HDX: variants seen among roughly 807,000 people sequenced by gnomAD.
HDX encodes the protein highly divergent homeobox.
In HDX, 19 loss-of-function variants were observed where a neutral mutation model predicts 45.2. The observed-to-expected ratio is 0.42, with a 90% CI of 0.29 to 0.62. HDX has a LOEUF of 0.62. HDX is among the 20% of genes least tolerant of loss of function. The probability of loss-of-function intolerance (pLI) is 0.20; values close to 1 mark genes in which losing one functional copy is unlikely to be tolerated. For missense variants in HDX, 532 were observed against 493.9 expected (o/e 1.08, Z -0.73); for synonymous variants, 188 against 172.8 (o/e 1.09, Z -0.69).
At position 84,342,835 on chromosome X, in the gene HDX, G is replaced by T. The variant is rs181477191; in HGVS notation, c.1660+1415C>A. On this transcript the variant is annotated intron_variant, in intron 7 of 10. Transcript: ENST00000373177. ...GTCAGAAACCATAAAGGAAAGTACG[G>T]GTAGATTTGAAAACTTAAAAATTAC... 2.6e-4 allele frequency among the ~76,000 whole-genome samples: 29 copies of T among 110,906 alleles called. No homozygotes were observed. The East Asian group carries it at 7.1e-3, about 27-fold the overall frequency.
intron 6 of HDX, among the ~76,000 whole-genome samples, chrX:84,354,928 C>CATATATAT (rs1362016065): frequency 9.4e-5 from 2 of 21,374 alleles, no homozygotes; most frequent in Admixed American, 9.7e-4. Context: ...TACACACACA[C>CATATATAT]ACATATATAT....
At chrX:84,443,249 C>T (rs1215701863) in intron 4 of HDX, among the ~76,000 whole-genome samples, 1 of 111,266 alleles carries the variant, frequency 9.0e-6, no homozygotes, top group Non-Finnish European at 1.9e-5. Context: ...TGTCTTTCCT[C>T]AAATTTGGGA....
intron 2 of HDX, among the ~76,000 whole-genome samples, chrX:84,476,544 C>CAAA (rs376973856): frequency 0.024 from 931 of 38,002 alleles, 9 homozygotes; most frequent in Non-Finnish European, 0.037. Context: ...AACTCTGTCT[C>CAAA]AAAAAAAAAA....
chrX:84,354,495 TGGTGAATATAATA>T (rs1434510923), intron 6 of HDX, among the ~76,000 whole-genome samples: 40 of 111,023 alleles, frequency 3.6e-4, no homozygotes, highest in African/African-American at 1.2e-3. Flanking sequence ...GTGCTTGGGA[TGGTGAATATAATA>T]GGTGAATATA....
intron 1 of HDX, among the ~76,000 whole-genome samples, chrX:84,495,156 C>A: frequency 9.1e-6 from 1 of 109,441 alleles, no homozygotes; most frequent in Middle Eastern, 4.8e-3. Context: ...AAGTCAAATT[C>A]ATAGAAGCAG....
intron 5 of HDX, among the ~76,000 whole-genome samples, chrX:84,370,779 C>T (rs1453787256): frequency 8.9e-6 from 1 of 111,964 alleles, no homozygotes; most frequent in African/African-American, 3.2e-5. Flanking sequence ...AACAAGACCC[C>T]CTATTATCAT....
intron 3 of HDX, among the ~76,000 whole-genome samples, chrX:84,472,807 A>G (rs968519659): frequency 1.8e-5 from 2 of 110,018 alleles, no homozygotes; most frequent in African/African-American, 3.4e-5. Flanking sequence ...AAATATTTCC[A>G]TTTAAAATGA....
intron 4 of HDX, among the ~76,000 whole-genome samples, chrX:84,452,582 T>C (rs1227373584): frequency 9.3e-6 from 1 of 107,828 alleles, no homozygotes; most frequent in African/African-American, 3.4e-5. Flanking sequence ...TTACCTGACT[T>C]GAAAATACAT....
intron 5 of HDX, among the ~76,000 whole-genome samples, chrX:84,395,208 C>CT (rs2147940749): frequency 9.0e-6 from 1 of 110,771 alleles, no homozygotes; most frequent in South Asian, 3.8e-4. Flanking sequence ...TGATATCATT[C>CT]TTTTGTGTGT....
intron 5 of HDX, among the ~76,000 whole-genome samples, chrX:84,439,481 G>C (rs1361911349): frequency 8.1e-5 from 9 of 110,867 alleles, no homozygotes; most frequent in Non-Finnish European, 1.7e-4. Context: ...CTCTGCCAAA[G>C]CCAATGTTGA....
intron 1 of HDX, among the ~76,000 whole-genome samples, chrX:84,495,173 G>A (rs58409113): frequency 9.0e-6 from 1 of 110,671 alleles, no homozygotes; most frequent in Admixed American, 9.7e-5. Context: ...GCAGAGAGTA[G>A]AATGGTAGTT....
intron 7 of HDX, among the ~76,000 whole-genome samples, chrX:84,340,002 G>A (rs140506905): frequency 9.0e-5 from 10 of 111,188 alleles, no homozygotes; most frequent in Non-Finnish European, 1.3e-4. Context: ...TGGGAGGGGT[G>A]AGCTCAGGTA....
chrX:84,407,241 GTGT>G (rs2038851475), intron 5 of HDX, among the ~76,000 whole-genome samples: 1 of 110,954 alleles, frequency 9.0e-6, no homozygotes, highest in South Asian at 3.8e-4. Context: ...GCCTTGGTAT[GTGT>G]TGTTCCCTTT....
chrX:84,487,679 A>AT (rs1360066219), intron 2 of HDX, among the ~76,000 whole-genome samples: 1 of 111,731 alleles, frequency 9.0e-6, no homozygotes, highest in Non-Finnish European at 1.9e-5. Flanking sequence ...GTATTAAAAG[A>AT]TCCCCTTCCT....
intron 5 of HDX, among the ~76,000 whole-genome samples, chrX:84,366,294 T>C: frequency 9.0e-6 from 1 of 111,501 alleles, no homozygotes; most frequent in East Asian, 2.8e-4. Flanking sequence ...AAGGACCTCT[T>C]CAAGGAGAAC....
In HDX at chrX:84,469,124, G is replaced by T; in HGVS notation, c.599C>A (p.Ser200Tyr). Residue 200 changes from serine to tyrosine, a missense_variant, in exon 4 of 11, where the codon TCT (serine) becomes TAT (tyrosine). Ser to Tyr is a moderately radical substitution (Grantham distance 144). Coordinates refer to ENST00000373177, the MANE Select transcript of HDX (RefSeq NM_001177479.2). Reference sequence around the variant, plus strand: ...TGTCATTTCAGAAGCTTGTACTGAAGAGTTTCCATAGTTTTTCTTTGCGTG... The same window carrying T: ...TGTCATTTCAGAAGCTTGTACTGAATAGTTTCCATAGTTTTTCTTTGCGTG... ...FNHAKKNYGN[S>Y]SVQASEMTVP... 1 of 1,210,583 alleles carries T rather than the reference G, an allele frequency of 8.3e-7. No individual in the cohort carries two copies. The highest frequency in any genetic ancestry group is 1.1e-6 in the Non-Finnish European group (1 of 894,742).
intron 5 of HDX, among the ~76,000 whole-genome samples, chrX:84,369,961 G>A (rs5968304): frequency 0.032 from 3,550 of 111,967 alleles, 148 homozygotes; most frequent in African/African-American, 0.11. Context: ...GGGCTAAGGG[G>A]TGCCCAAGCA....
chrX:84,422,732 G>A (rs6616942), intron 5 of HDX, among the ~76,000 whole-genome samples: 6,412 of 94,080 alleles, frequency 0.068, 398 homozygotes, highest in East Asian at 0.4. Context: ...GCAGTGGTGC[G>A]ATCTCTGCTC....
In HDX at chrX:84,333,826, T is replaced by C. The variant is rs1210581958; in HGVS notation, c.1757A>G (p.Asp586Gly). ...TTDNVKIEII[D>G]DEESDMISNS... ...ACTTATCATGTCACTTTCTTCATCA[T>C]CAATAATTTCTATTTTCTGTAACAC... Residue 586 changes from aspartate (D) to glycine (G), a missense_variant, in exon 9 of 11, where the codon GAT becomes GGT. Physicochemically the swap from Asp to Gly is moderately conservative, Grantham distance 94. This residue lies in a region of HDX where 151 missense variants were observed against 131.8 expected (regional missense o/e 1.15). Coordinates refer to ENST00000373177, the MANE Select transcript of HDX (RefSeq NM_001177479.2). 1.1e-6 allele frequency: 1 copy of C among 925,455 alleles called. No homozygotes were observed. Among genetic ancestry groups the C allele is most frequent in the South Asian group, 2.2e-5 (1 of 45,869 alleles). 76.3% of individuals were successfully genotyped at this position (925,455 alleles called of 1,213,427 possible). A position where few individuals can be genotyped will look rare whatever the true frequency, so the allele number is the denominator to read the frequency against.
Sources: allele counts gnomAD v4.1 joint callset (sites outside exome capture counted in the v4.1 genomes callset), GRCh38; gene constraint gnomAD v4.1.1; regional missense constraint gnomAD v4.1.1; transcripts MANE v1.5; gene names NCBI Gene and HGNC (gene_info 2026-07-23, HGNC 2026-07-21).